Variants in ASAP1 observed in about 807,000 individuals in gnomAD.
The protein encoded by ASAP1 is arf-GAP with SH3 domain, ANK repeat and PH domain-containing protein 1.
A neutral mutation model predicts 145.2 loss-of-function variants in ASAP1; 43 were observed. The observed-to-expected ratio is 0.30, with a 90% CI of 0.23 to 0.38. The LOEUF is 0.38. Among genes scored for constraint, ASAP1 ranks in the 10% least tolerant of loss-of-function variants. The pLI, the probability that ASAP1 is intolerant of heterozygous loss-of-function variation, is 1.00. For synonymous variants in ASAP1, 546 were observed against 515.5 expected (o/e 1.06, Z -0.80); for missense variants, 1,018 against 1,355.3 (o/e 0.75, Z 3.91).
intron 5 of ASAP1, among the ~76,000 whole-genome samples, chr8:130,190,491 A>G (rs1007435860): frequency 3.3e-5 from 5 of 152,028 alleles, no homozygotes; most frequent in Non-Finnish European, 7.4e-5. Flanking sequence ...TGGGTTCTCT[A>G]TTTGGTTCCA....
At chr8:130,308,694 CAT>C (rs1458347894) in intron 3 of ASAP1, among the ~76,000 whole-genome samples, 1 of 152,096 alleles carries the variant, frequency 6.6e-6, no homozygotes, top group Non-Finnish European at 1.5e-5. Flanking sequence ...AGACATAAAA[CAT>C]AATTTCAACT....
chr8:130,426,071 G>C (rs1452068965), intron 1 of ASAP1, among the ~76,000 whole-genome samples: 1 of 152,170 alleles, frequency 6.6e-6, no homozygotes, highest in East Asian at 1.9e-4. Context: ...CAGTGTCGGA[G>C]GAGGGGCCTT....
rs543984991 is a variant in ASAP1 at position 130,175,788 on chromosome 8, ACTT to A, written c.746+3473_746+3475del. Among the ~76,000 whole-genome samples, 15 of 152,288 alleles carry A rather than the reference ACTT, an allele frequency of 9.8e-5. No individual in the cohort carries two copies. The South Asian group carries it at 1.7e-3, about 17-fold the overall frequency. On this transcript the variant is annotated intron_variant, in intron 9 of 29. Coordinates refer to ENST00000518721, the MANE Select transcript of ASAP1 (RefSeq NM_018482.4). ...AAATACTGATCCTTTCTGAGCTACA[ACTT>A]CTTGAGTGTTGGGAATATTAAATGA...
At position 130,092,103 on chromosome 8, in the gene ASAP1, C is replaced by G; in HGVS notation, c.2442G>C (p.Gln814His). ...GPPSTLPLST[Q>H]TSSGSSTLSK... is the part of the protein sequence containing the mutation. Reference sequence around the variant, plus strand: ...ATAGGGTGGAGCTGCCACTAGAGGTCTGGGTGCTTAGAGGGAGTGTTGAAG... The same window carrying G: ...ATAGGGTGGAGCTGCCACTAGAGGTGTGGGTGCTTAGAGGGAGTGTTGAAG... Residue 814 changes from glutamine to histidine, a missense_variant, in exon 25 of 30, where the codon CAG (glutamine) becomes CAC (histidine). Transcript: ENST00000518721. 1 of 1,569,872 alleles carries G rather than the reference C, an allele frequency of 6.4e-7. No individual in the cohort carries two copies. Among genetic ancestry groups the G allele is most frequent in the Non-Finnish European group, 8.6e-7 (1 of 1,164,200 alleles).
At chr8:130,250,005 A>G (rs909634074) in intron 3 of ASAP1, among the ~76,000 whole-genome samples, 4 of 152,176 alleles carry the variant, frequency 2.6e-5, no homozygotes, top group Admixed American at 2.6e-4. Flanking sequence ...TTCCTTTTAA[A>G]TGAAAGAAAT....
chr8:130,206,982 AT>A (rs1446278344), intron 5 of ASAP1, among the ~76,000 whole-genome samples: 1 of 152,116 alleles, frequency 6.6e-6, no homozygotes, highest in Non-Finnish European at 1.5e-5. Flanking sequence ...TTTCCTTTTC[AT>A]GGTTAAAAAA....
intron 27 of ASAP1, among the ~76,000 whole-genome samples, chr8:130,073,561 G>A (rs561565356): frequency 1.2e-4 from 19 of 152,246 alleles, no homozygotes; most frequent in African/African-American, 4.3e-4. Flanking sequence ...GCAGTTAAGG[G>A]GGTCGGGAAG....
intron 11 of ASAP1, among the ~76,000 whole-genome samples, chr8:130,162,085 C>A (rs987065470): frequency 2.0e-5 from 3 of 152,192 alleles, no homozygotes; most frequent in African/African-American, 7.2e-5. Flanking sequence ...CAGGTGTGAG[C>A]ACCATGCTCG....
chr8:130,287,461 T>C (rs1274903162), intron 3 of ASAP1, among the ~76,000 whole-genome samples: 1 of 152,180 alleles, frequency 6.6e-6, no homozygotes, highest in Non-Finnish European at 1.5e-5. Context: ...ATTCACCCAC[T>C]GACCCCCTCA....
In ASAP1 at chr8:130,167,719, T is replaced by A. The variant is rs111582380; in HGVS notation, c.823-97A>T. The stretch of plus-strand genomic sequence containing the variant: ...TACCACTCATCAAAATTCTATTATA[T>A]ATTTGGTTTTCTTACTAAAAGTCCT... On this transcript the variant is annotated intron_variant, in intron 10 of 29. Transcript: ENST00000518721. 2.5e-5 allele frequency: 22 copies of A among 888,994 alleles called. No individual in the cohort carries two copies. The Admixed American group carries it at 5.1e-4, about 21-fold the overall frequency. The allele number at this position is 888,994 out of a possible 1,614,324, so 55.1% of individuals were successfully genotyped here.
Position 130,096,718 on chromosome 8 carries a change from T to C in ASAP1, c.2402-4575A>G, listed in dbSNP as rs573069062. On this transcript the variant is annotated intron_variant, in intron 24 of 29. Transcript: ENST00000518721. ...AGAAGCTGAATCATCTAGGAGCATGTGTTTTCCACGAGAAAGCATTCCCTG... is the reference window on the plus strand; with the variant it reads ...AGAAGCTGAATCATCTAGGAGCATGCGTTTTCCACGAGAAAGCATTCCCTG... Among the ~76,000 whole-genome samples the C allele has an allele frequency of 2.0e-5, 3 of 152,316 alleles. No individual in the cohort carries two copies. In the South Asian group the frequency reaches 6.2e-4, roughly 32 times the overall value.
rs146302302 is a variant in ASAP1, at chr8:130,255,393, A to G, written c.187-18399T>C. ...TACATTTTCTCTATGTACCTAATAA[A>G]TGTTTTATGTGCAACCTGTATTCTG... On this transcript the variant is annotated intron_variant, in intron 3 of 29. Coordinates refer to ENST00000518721, the MANE Select transcript of ASAP1 (RefSeq NM_018482.4). Among the ~76,000 whole-genome samples, 470 of 152,244 alleles carry G rather than the reference A, an allele frequency of 3.1e-3. 1 individual carries two copies. The highest frequency in any genetic ancestry group is 0.011 in the African/African-American group (456 of 41,552).
Position 130,093,616 on chromosome 8 carries a change from G to A in ASAP1, c.2402-1473C>T, listed in dbSNP as rs372455375. 2.6e-4 allele frequency among the ~76,000 whole-genome samples: 35 copies of A among 134,244 alleles called. 1 individual carries two copies. The South Asian group carries it at 8.0e-3, about 31-fold the overall frequency. The allele number at this position is 134,244 out of a possible 152,430, so 88.1% of individuals were successfully genotyped here. On this transcript the variant is annotated intron_variant, in intron 24 of 29. Coordinates refer to ENST00000518721, the MANE Select transcript of ASAP1 (RefSeq NM_018482.4). ...CAGGAAGTGGCGGTTGCAATGAGCT[G>A]AGATCATGCCACTGCATTCCTGCCT...
At chr8:130,061,190 T>C in intron 27 of ASAP1, 121 bp from the exon 28 acceptor site, 1 of 1,254,626 alleles carries the variant, frequency 8.0e-7, no homozygotes, top group Non-Finnish European at 1.1e-6. Context: ...TTGAAATGGA[T>C]GAACTCAGGG....
At chr8:130,393,553 C>A in intron 2 of ASAP1, among the ~76,000 whole-genome samples, 1 of 152,150 alleles carries the variant, frequency 6.6e-6, no homozygotes, top group East Asian at 1.9e-4. Flanking sequence ...GTCAGGAGTT[C>A]AAGAACAGCC....
Position 130,243,233 on chromosome 8 carries a change from T to C in ASAP1, c.187-6239A>G, listed in dbSNP as rs576761971. On this transcript the variant is annotated intron_variant, in intron 3 of 29. Coordinates refer to ENST00000518721, the MANE Select transcript of ASAP1 (RefSeq NM_018482.4). Reference sequence around the variant, plus strand: ...AAGTTGTTCATAAAACATTCATTATTGCTAACCTGGGGCTTGCTTTATCCA... The same window carrying C: ...AAGTTGTTCATAAAACATTCATTATCGCTAACCTGGGGCTTGCTTTATCCA... Among the ~76,000 whole-genome samples the C allele has an allele frequency of 5.3e-5, 8 of 152,272 alleles. No homozygotes were observed. In the South Asian group the frequency reaches 1.5e-3, roughly 28 times the overall value.
At chr8:130,121,168 T>C in intron 18 of ASAP1, among the ~76,000 whole-genome samples, 1 of 152,198 alleles carries the variant, frequency 6.6e-6, no homozygotes, top group East Asian at 1.9e-4. Flanking sequence ...TTGTCCAGTT[T>C]ACCTTCAGCG....
chr8:130,245,502 C>G (rs10096176), intron 3 of ASAP1, among the ~76,000 whole-genome samples: 2,272 of 152,266 alleles, frequency 0.015, 31 homozygotes, highest in Non-Finnish European at 0.025. Context: ...ATTTAACATA[C>G]CACCTTCGAC....
intron 27 of ASAP1, among the ~76,000 whole-genome samples, chr8:130,062,534 G>A (rs1356417344): frequency 1.3e-5 from 2 of 152,192 alleles, no homozygotes; most frequent in South Asian, 2.1e-4. Flanking sequence ...TCTGAGCCAG[G>A]CAGTCAAGAG....
Sources: gnomAD v4.1 joint callset for allele counts (sites outside exome capture counted in the v4.1 genomes callset) on GRCh38, gnomAD v4.1.1 for gene constraint, MANE v1.5 for transcripts, NCBI Gene and HGNC (gene_info 2026-07-23, HGNC 2026-07-21) for gene names.